CTNNA1: variants seen among roughly 807,000 people sequenced by gnomAD.
The protein encoded by CTNNA1 is catenin alpha 1, also known as catenin alpha-1.
Under a neutral mutation model 98.4 loss-of-function variants are expected in CTNNA1, and 37 were observed. The observed-to-expected ratio is 0.38, with a 90% CI of 0.29 to 0.49. The LOEUF is 0.49. Among genes scored for constraint, CTNNA1 ranks in the 20% least tolerant of loss-of-function variants. The probability of loss-of-function intolerance (pLI) is 0.95; values close to 1 mark genes in which losing one functional copy is unlikely to be tolerated. For missense variants in CTNNA1, 761 were observed against 1,147.2 expected, an observed-to-expected ratio of 0.66 and a Z score of 4.86; for synonymous variants, 404 against 413.2, an observed-to-expected ratio of 0.98 and a Z score of 0.27.
At chr5:138,899,166 G>A (rs1757514113) in intron 9 of CTNNA1, among the ~76,000 whole-genome samples, 1 of 152,018 alleles carries the variant, frequency 6.6e-6, no homozygotes, top group African/African-American at 2.4e-5. Context: ...TGGTGGTTTT[G>A]CTTATTCTTG....
At position 138,799,330 on chromosome 5, in the gene CTNNA1, T is replaced by C. The variant is rs551692132; in HGVS notation, c.302-10708T>C. Among the ~76,000 whole-genome samples, 4 of 152,302 alleles carry C rather than the reference T, an allele frequency of 2.6e-5. No homozygotes were observed. In the South Asian group the frequency reaches 8.3e-4, roughly 32 times the overall value. On this transcript the variant is annotated intron_variant, in intron 3 of 17. Coordinates refer to ENST00000302763, the MANE Select transcript of CTNNA1 (RefSeq NM_001903.5). Reference sequence around the variant, plus strand: ...CATGTGCCACCACGCCTGGCTAATTTTGTACTTTTAGTAGAGATGGGGTTT... The same window carrying C: ...CATGTGCCACCACGCCTGGCTAATTCTGTACTTTTAGTAGAGATGGGGTTT...
chr5:138,833,987 A>G (rs1391198864), intron 7 of CTNNA1, among the ~76,000 whole-genome samples: 1 of 152,216 alleles, frequency 6.6e-6, no homozygotes, highest in Non-Finnish European at 1.5e-5. Context: ...CAAGTATAAA[A>G]TTTTAATTCG....
At chr5:138,846,816 C>A (rs1379915010) in intron 7 of CTNNA1, among the ~76,000 whole-genome samples, 1 of 152,098 alleles carries the variant, frequency 6.6e-6, no homozygotes, top group Admixed American at 6.6e-5. Context: ...GAGTGTTTTT[C>A]ATTTGGGGGC....
chr5:138,760,241 G>A (rs557570955), intron 1 of CTNNA1, among the ~76,000 whole-genome samples: 26 of 151,848 alleles, frequency 1.7e-4, no homozygotes, highest in African/African-American at 5.8e-4. Context: ...TGATCCACCC[G>A]CCTCGGCCTA....
chr5:138,812,049 T>C, intron 4 of CTNNA1, 134 bp from the exon 5 acceptor site: 1 of 692,464 alleles, frequency 1.4e-6, no homozygotes, highest in Non-Finnish European at 2.5e-6. Context: ...TAGAAGACCA[T>C]GCGCAAACTC....
intron 7 of CTNNA1, among the ~76,000 whole-genome samples, chr5:138,885,346 A>G (rs1300065373): frequency 1.3e-5 from 2 of 152,182 alleles, no homozygotes; most frequent in Non-Finnish European, 2.9e-5. Context: ...CATGTTTTTC[A>G]GAAAGAACCG....
chr5:138,898,165 C>G (rs948786200), intron 9 of CTNNA1, among the ~76,000 whole-genome samples: 1 of 145,434 alleles, frequency 6.9e-6, no homozygotes, highest in African/African-American at 2.6e-5. Flanking sequence ...CCCACCCCCC[C>G]CCACCCCTTC....
chr5:138,896,815 G>A (rs1756915846), intron 9 of CTNNA1, among the ~76,000 whole-genome samples: 2 of 152,158 alleles, frequency 1.3e-5, no homozygotes, highest in South Asian at 4.1e-4. Context: ...AATTTAAAGT[G>A]TACTGAGGTG....
intron 5 of CTNNA1, among the ~76,000 whole-genome samples, chr5:138,823,873 C>T (rs1337027963): frequency 7.5e-6 from 1 of 133,602 alleles, no homozygotes; most frequent in Non-Finnish European, 1.5e-5. Flanking sequence ...AGGAGAATGG[C>T]GTGAACCCGG....
chr5:138,890,768 A>G (rs553209970), intron 9 of CTNNA1, among the ~76,000 whole-genome samples: 34 of 152,178 alleles, frequency 2.2e-4, no homozygotes, highest in Non-Finnish European at 4.0e-4. Context: ...CTCTAATCAC[A>G]TGGTTGGCCC....
At chr5:138,831,580 C>T (rs552920208) in intron 7 of CTNNA1, among the ~76,000 whole-genome samples, 8 of 152,074 alleles carry the variant, frequency 5.3e-5, no homozygotes, top group African/African-American at 1.2e-4. Context: ...CTATGTAAAC[C>T]TAATCTACTC....
intron 5 of CTNNA1, among the ~76,000 whole-genome samples, chr5:138,822,598 G>T (rs1303830430): frequency 6.6e-6 from 1 of 151,990 alleles, no homozygotes; most frequent in Non-Finnish European, 1.5e-5. Flanking sequence ...CACAAAACAT[G>T]TGCACCAGCT....
intron 11 of CTNNA1, among the ~76,000 whole-genome samples, chr5:138,924,278 T>TTA (rs1395318620): frequency 1.2e-4 from 16 of 135,056 alleles, no homozygotes; most frequent in African/African-American, 3.2e-4. Context: ...GTTTTTTATT[T>TTA]TTTGTTTTTT....
At chr5:138,897,373 T>C (rs1227807499) in intron 9 of CTNNA1, among the ~76,000 whole-genome samples, 4 of 143,788 alleles carry the variant, frequency 2.8e-5, no homozygotes, top group African/African-American at 1.0e-4. Context: ...GCTTTATTGG[T>C]TTGAAATGTA....
chr5:138,875,112 T>G (rs1325845006), intron 7 of CTNNA1: 2 of 542,252 alleles, frequency 3.7e-6, no homozygotes, highest in African/African-American at 1.9e-5. Context: ...TTTCATTTTC[T>G]GTGATTGCTC....
intron 7 of CTNNA1, among the ~76,000 whole-genome samples, chr5:138,858,450 A>G (rs567071136): frequency 1.3e-5 from 2 of 152,228 alleles, no homozygotes; most frequent in East Asian, 1.9e-4. Context: ...GGTAAGTTTT[A>G]TACATACTGA....
At position 138,917,813 on chromosome 5, in the gene CTNNA1, T is replaced by C. The variant is rs28363463; in HGVS notation, c.1461T>C (p.Phe487=). Residue 487 remains phenylalanine, a synonymous_variant, in exon 11 of 18, where the codon TTT becomes TTC. Coordinates refer to ENST00000302763, the MANE Select transcript of CTNNA1 (RefSeq NM_001903.5). ...SKLAQENMDL[F]KEQWEKQVRV... The stretch of plus-strand genomic sequence containing the variant: ...TGGCCCAAGAGAACATGGATCTTTT[T>C]AAAGAACAATGGGAAAAACAAGTCC... 70 of 1,614,092 alleles carry C rather than the reference T, an allele frequency of 4.3e-5. No homozygotes were observed. In the African/African-American group the frequency reaches 6.9e-4, roughly 16 times the overall value.
At chr5:138,854,465 C>T (rs897366247) in intron 7 of CTNNA1, among the ~76,000 whole-genome samples, 2 of 152,216 alleles carry the variant, frequency 1.3e-5, no homozygotes, top group African/African-American at 2.4e-5. Flanking sequence ...TGTACACACA[C>T]TCTCTTACAT....
chr5:138,809,670 A>G (rs1758468603), intron 3 of CTNNA1, among the ~76,000 whole-genome samples: 1 of 152,060 alleles, frequency 6.6e-6, no homozygotes, highest in South Asian at 2.1e-4. Flanking sequence ...ATGTGAGAGT[A>G]GATTTTATTA....
Sources: gnomAD v4.1 joint callset for allele counts (sites outside exome capture counted in the v4.1 genomes callset) on GRCh38, gnomAD v4.1.1 for gene constraint, MANE v1.5 for transcripts, NCBI Gene and HGNC (gene_info 2026-07-23, HGNC 2026-07-21) for gene names.